CADM1: variants seen among roughly 807,000 people sequenced by gnomAD.
CADM1 encodes cell adhesion molecule 1.
Under a neutral mutation model 53.1 loss-of-function variants are expected in CADM1, and 15 were observed. The observed-to-expected ratio is 0.28, with a 90% CI of 0.19 to 0.44. The LOEUF is 0.44. CADM1 is among the 20% of genes least tolerant of loss of function. CADM1 has a pLI of 1.00. For missense variants in CADM1, 434 were observed against 611.3 expected (o/e 0.71, Z 3.06); for synonymous variants, 281 against 243.0 (o/e 1.16, Z -1.45).
chr11:115,284,087 A>ACTCTCTCTCTCTATCTCTCTCTCT (rs1943657674), intron 1 of CADM1, among the ~76,000 whole-genome samples: 1 of 47,576 alleles, frequency 2.1e-5, no homozygotes, highest in African/African-American at 1.0e-4. Flanking sequence ...AAGCCCAGAC[A>ACTCTCTCTCTCTATCTCTCTCTCT]CTCTCTCTCT....
At chr11:115,407,794 T>A (rs1947353375) in intron 1 of CADM1, among the ~76,000 whole-genome samples, 1 of 131,224 alleles carries the variant, frequency 7.6e-6, no homozygotes, top group Non-Finnish European at 1.5e-5. Flanking sequence ...CACCTGAGCC[T>A]GGGGGGGTTC....
chr11:115,428,607 C>T (rs2135288978), intron 1 of CADM1, among the ~76,000 whole-genome samples: 1 of 152,282 alleles, frequency 6.6e-6, no homozygotes, highest in East Asian at 1.9e-4. Flanking sequence ...TGTAACCTAG[C>T]ATCCAGTCTA....
In CADM1 at chr11:115,231,354, T is replaced by A. The variant is rs376372384; in HGVS notation, c.561A>T (p.Lys187Asn). 1 of 1,613,964 alleles carries A rather than the reference T, an allele frequency of 6.2e-7. No individual in the cohort carries two copies. The highest frequency in any genetic ancestry group is 8.5e-7 in the Non-Finnish European group (1 of 1,179,926). ...IRWFKGNTEL[K>N]GKSEVEEWSD... is the part of the protein sequence containing the mutation. ...AGTGTGTGGCAATCTGCAGCTTACC[T>A]TTTAGCTCTGTGTTCCCTTTGAACC... Residue 187 changes from lysine to asparagine, a missense_variant and splice_region_variant, in exon 4 of 12, where the codon AAA becomes AAT. Around this residue, in one of 4 missense-constraint regions of CADM1, gnomAD observed 311 missense variants for 435.1 expected, o/e 0.71. Transcript: ENST00000331581.
At chr11:115,442,520 T>C (rs190094801) in intron 1 of CADM1, among the ~76,000 whole-genome samples, 36 of 152,286 alleles carry the variant, frequency 2.4e-4, no homozygotes, top group Admixed American at 1.1e-3. Flanking sequence ...TCTTCTCCCA[T>C]TGGAAGACCT....
intron 1 of CADM1, among the ~76,000 whole-genome samples, chr11:115,443,838 C>T (rs764514536): frequency 2.0e-5 from 3 of 152,086 alleles, no homozygotes; most frequent in Non-Finnish European, 2.9e-5. Context: ...AGATGAAGTC[C>T]GGCAAATTAC....
intron 1 of CADM1, among the ~76,000 whole-genome samples, chr11:115,407,873 TAAAAAAA>T (rs148209064): frequency 7.6e-3 from 241 of 31,734 alleles, no homozygotes; most frequent in South Asian, 0.038. Flanking sequence ...CCCTGTCATT[TAAAAAAA>T]AAAAAAAAAA....
intron 8 of CADM1, among the ~76,000 whole-genome samples, chr11:115,201,043 C>T (rs1017587814): frequency 5.3e-5 from 8 of 152,206 alleles, no homozygotes; most frequent in African/African-American, 1.4e-4. Flanking sequence ...CTTGCTTCCC[C>T]GTTCTGGGGA....
rs543732295 is a variant in CADM1 at position 115,213,896 on chromosome 11, C to A, written c.994+712G>T. Among the ~76,000 whole-genome samples, 3 of 152,190 alleles carry A rather than the reference C, an allele frequency of 2.0e-5. No homozygotes were observed. The South Asian group carries it at 6.2e-4, about 32-fold the overall frequency. ...ATAAAACTAGAGAGGAGGTGCACAT[C>A]TCAACTAAATAGAAAATATTCACCA... is the stretch of plus-strand genomic sequence containing the variant. On this transcript the variant is annotated intron_variant, in intron 7 of 11. Coordinates refer to ENST00000331581, the MANE Select transcript of CADM1 (RefSeq NM_001301043.2).
At chr11:115,326,607 G>T (rs893273944) in intron 1 of CADM1, among the ~76,000 whole-genome samples, 7 of 152,248 alleles carry the variant, frequency 4.6e-5, no homozygotes, top group Middle Eastern at 3.4e-3. Flanking sequence ...ACTAATTTAA[G>T]ATTTCCATCT....
At chr11:115,275,195 C>G (rs1386886520) in intron 1 of CADM1, among the ~76,000 whole-genome samples, 1 of 152,194 alleles carries the variant, frequency 6.6e-6, no homozygotes, top group Non-Finnish European at 1.5e-5. Flanking sequence ...AGTCATTTCT[C>G]TATGCCTACC....
In CADM1 at chr11:115,344,807, G is replaced by T. The variant is rs115191664; in HGVS notation, c.125-104387C>A. ...ACTCTTTGATACAAGTCTCCATTCA[G>T]TCCATCCTTCACATGGTCTCTCTCC... On this transcript the variant is annotated intron_variant, in intron 1 of 11. Coordinates refer to ENST00000331581, the MANE Select transcript of CADM1 (RefSeq NM_001301043.2). Among the ~76,000 whole-genome samples, 420 of 152,228 alleles carry T rather than the reference G, an allele frequency of 2.8e-3. 1 individual carries two copies. Among genetic ancestry groups the T allele is most frequent in the African/African-American group, 8.5e-3 (355 of 41,538 alleles).
intron 5 of CADM1, 108 bp downstream of exon 5, chr11:115,229,005 G>T: frequency 2.0e-6 from 2 of 1,011,422 alleles, no homozygotes; most frequent in East Asian, 2.6e-5. Context: ...GCAAAAATAA[G>T]AATTCTATGT....
chr11:115,420,862 G>A (rs575277321), intron 1 of CADM1, among the ~76,000 whole-genome samples: 15 of 152,200 alleles, frequency 9.9e-5, no homozygotes, highest in African/African-American at 2.2e-4. Flanking sequence ...TTCCTAAATC[G>A]TCTTACACTG....
intron 11 of CADM1, among the ~76,000 whole-genome samples, chr11:115,177,628 C>T (rs183913536): frequency 2.1e-4 from 32 of 152,110 alleles, no homozygotes; most frequent in Non-Finnish European, 4.0e-4. Context: ...TTCACAGCTG[C>T]TGCTCGGATG....
intron 1 of CADM1, among the ~76,000 whole-genome samples, chr11:115,482,226 G>A (rs1416342989): frequency 6.6e-6 from 1 of 152,162 alleles, no homozygotes. Flanking sequence ...CTGACTCTAA[G>A]TCTCCATAGT....
At chr11:115,292,248 T>G (rs1943925020) in intron 1 of CADM1, among the ~76,000 whole-genome samples, 1 of 152,256 alleles carries the variant, frequency 6.6e-6, no homozygotes, top group African/African-American at 2.4e-5. Context: ...CAGTCATGTT[T>G]ACATTAAAAC....
chr11:115,278,615 A>G (rs575437156), intron 1 of CADM1, among the ~76,000 whole-genome samples: 1 of 152,346 alleles, frequency 6.6e-6, no homozygotes, highest in East Asian at 1.9e-4. Flanking sequence ...CAGGGTAAAG[A>G]GGTACCACAT....
At chr11:115,264,570 C>T (rs1031756189) in intron 1 of CADM1, among the ~76,000 whole-genome samples, 2 of 152,144 alleles carry the variant, frequency 1.3e-5, no homozygotes, top group Non-Finnish European at 2.9e-5. Context: ...ACAACAAAAG[C>T]TCCTGTACAA....
chr11:115,357,098 C>T (rs893941040), intron 1 of CADM1, among the ~76,000 whole-genome samples: 1 of 152,114 alleles, frequency 6.6e-6, no homozygotes, highest in African/African-American at 2.4e-5. Flanking sequence ...TCTTCATCCC[C>T]CTCCTGGAAC....
Sources: gnomAD v4.1 joint callset for allele counts (sites outside exome capture counted in the v4.1 genomes callset) on GRCh38, gnomAD v4.1.1 for gene constraint, gnomAD v4.1.1 regional missense constraint, MANE v1.5 for transcripts, NCBI Gene and HGNC (gene_info 2026-07-23, HGNC 2026-07-21) for gene names.